The following CCDC60 variants were observed in gnomAD, a reference collection of about 807,000 sequenced individuals.
The protein encoded by CCDC60 is coiled-coil domain-containing protein 60.
Under a neutral mutation model 63.5 loss-of-function variants are expected in CCDC60, and 54 were observed. The observed-to-expected ratio is 0.85, with a 90% CI of 0.68 to 1.07. The LOEUF is 1.07. CCDC60 is among the 50% of genes least tolerant of loss of function. CCDC60 has a pLI of 0.00. For missense variants in CCDC60, 651 were observed against 684.3 expected, an observed-to-expected ratio of 0.95 and a Z score of 0.54; for synonymous variants, 206 against 238.8, an observed-to-expected ratio of 0.86 and a Z score of 1.27.
chr12:119,388,796 A>G (rs1307712478), intron 1 of CCDC60, among the ~76,000 whole-genome samples: 1 of 152,218 alleles, frequency 6.6e-6, no homozygotes, highest in African/African-American at 2.4e-5. Flanking sequence ...AAGAAAATCC[A>G]TTTCGTGGAA....
chr12:119,528,634 A>G lies in CCDC60; in HGVS notation c.1249A>G (p.Ile417Val). 6.2e-7 allele frequency: 1 copy of G among 1,613,892 alleles called. No homozygotes were observed. The highest frequency in any genetic ancestry group is 8.5e-7 in the Non-Finnish European group (1 of 1,179,884). ...ILMKRQEERG[I>V]QKFRAFVLVS... is the part of the protein sequence containing the mutation. Reference sequence around the variant, plus strand: ...TTGTAGGCGCCAAGAAGAGAGAGGTATCCAGAAGTTCCGTGCTTTTGTCCT... The same window carrying G: ...TTGTAGGCGCCAAGAAGAGAGAGGTGTCCAGAAGTTCCGTGCTTTTGTCCT... The change falls in exon 12 of 14, where the codon ATC becomes GTC. Residue 417 changes from isoleucine to valine, a missense_variant. Transcript: ENST00000327554.
At chr12:119,522,087 C>T (rs933143456) in intron 9 of CCDC60, among the ~76,000 whole-genome samples, 2 of 152,216 alleles carry the variant, frequency 1.3e-5, no homozygotes, top group Non-Finnish European at 2.9e-5. Flanking sequence ...CAAAGGGTTA[C>T]CCACACATCA....
chr12:119,526,439 C>T (rs565524452), intron 11 of CCDC60, among the ~76,000 whole-genome samples: 12 of 152,216 alleles, frequency 7.9e-5, no homozygotes, highest in African/African-American at 2.6e-4. Context: ...TAAGAGCTTC[C>T]GCCCAGCAAA....
chr12:119,521,985 C>T (rs980726207), intron 9 of CCDC60, among the ~76,000 whole-genome samples: 12 of 152,322 alleles, frequency 7.9e-5, no homozygotes, highest in South Asian at 6.2e-4. Context: ...CTGGGGAAAC[C>T]AGCAAAGGCA....
At chr12:119,413,398 C>T in intron 1 of CCDC60, among the ~76,000 whole-genome samples, 1 of 152,210 alleles carries the variant, frequency 6.6e-6, no homozygotes, top group East Asian at 1.9e-4. Flanking sequence ...GCTACTTTTG[C>T]TGACCATCGG....
intron 1 of CCDC60, among the ~76,000 whole-genome samples, chr12:119,398,169 G>A (rs1007140771): frequency 1.4e-5 from 2 of 141,746 alleles, no homozygotes; most frequent in Non-Finnish European, 3.1e-5. Flanking sequence ...GCGGGCTGCA[G>A]GTCCGAGCCC....
chr12:119,448,346 C>T (rs1950577051), intron 2 of CCDC60, among the ~76,000 whole-genome samples: 1 of 152,108 alleles, frequency 6.6e-6, no homozygotes, highest in Admixed American at 6.5e-5. Context: ...GACCGAAATC[C>T]AAATCCTGGC....
At chr12:119,433,934 G>C (rs1283348177) in intron 2 of CCDC60, among the ~76,000 whole-genome samples, 3 of 152,196 alleles carry the variant, frequency 2.0e-5, no homozygotes, top group Non-Finnish European at 4.4e-5. Context: ...GGGTCTCTTT[G>C]CATGTGCCCA....
chr12:119,394,316 CTT>C (rs1956212309), intron 1 of CCDC60, among the ~76,000 whole-genome samples: 1 of 152,202 alleles, frequency 6.6e-6, no homozygotes, highest in Admixed American at 6.5e-5. Context: ...ATTATTGTCT[CTT>C]GTCTCCCCAA....
intron 6 of CCDC60, among the ~76,000 whole-genome samples, chr12:119,500,726 C>A (rs1388639745): frequency 6.6e-6 from 1 of 152,094 alleles, no homozygotes; most frequent in Non-Finnish European, 1.5e-5. Flanking sequence ...TAGTGGTGTG[C>A]ACCTGTAGTC....
chr12:119,387,833 T>C (rs1167059385), intron 1 of CCDC60, among the ~76,000 whole-genome samples: 5 of 152,200 alleles, frequency 3.3e-5, no homozygotes, highest in East Asian at 1.9e-4. Flanking sequence ...CTGACGCACA[T>C]TTCAGGTTAC....
intron 1 of CCDC60, among the ~76,000 whole-genome samples, chr12:119,359,971 C>G (rs900510532): frequency 1.2e-4 from 18 of 152,126 alleles, no homozygotes; most frequent in African/African-American, 4.3e-4. Context: ...ATTTCTCAAT[C>G]TTTTCCCCAC....
At chr12:119,340,949 C>A (rs1041069138) in intron 1 of CCDC60, among the ~76,000 whole-genome samples, 1 of 152,152 alleles carries the variant, frequency 6.6e-6, no homozygotes, top group African/African-American at 2.4e-5. Context: ...GCTGGCTGTT[C>A]CATTTTTATA....
chr12:119,468,047 G>A (rs1950985663), intron 2 of CCDC60, among the ~76,000 whole-genome samples: 1 of 151,946 alleles, frequency 6.6e-6, no homozygotes, highest in African/African-American at 2.4e-5. Context: ...GGCCGAGGTG[G>A]GTGGGTCATA....
chr12:119,419,869 CTTTTTTT>C (rs1206831493), intron 1 of CCDC60, among the ~76,000 whole-genome samples: 5 of 106,496 alleles, frequency 4.7e-5, no homozygotes, highest in Non-Finnish European at 5.4e-5. Context: ...TTAAATAATT[CTTTTTTT>C]TTTTTTTTTT....
At chr12:119,501,867 C>T (rs1419454690) in intron 6 of CCDC60, among the ~76,000 whole-genome samples, 1 of 152,146 alleles carries the variant, frequency 6.6e-6, no homozygotes, top group Non-Finnish European at 1.5e-5. Context: ...TGGGGGAGCA[C>T]TCAATTAGGC....
intron 4 of CCDC60, among the ~76,000 whole-genome samples, chr12:119,480,900 C>T (rs1296133006): frequency 1.4e-5 from 2 of 146,888 alleles, no homozygotes; most frequent in Non-Finnish European, 3.0e-5. Context: ...CCATCATCAC[C>T]ACCATCCTCA....
chr12:119,451,436 C>T (rs1950633808), intron 2 of CCDC60, among the ~76,000 whole-genome samples: 1 of 142,206 alleles, frequency 7.0e-6, no homozygotes, highest in African/African-American at 2.5e-5. Flanking sequence ...CCTAGGTCTG[C>T]CTGTAATTTG....
At chr12:119,505,432 C>A in intron 7 of CCDC60, 129 bp downstream of exon 7, 1 of 637,230 alleles carries the variant, frequency 1.6e-6, no homozygotes, top group Non-Finnish European at 2.7e-6. Flanking sequence ...CATCCTTGTT[C>A]AATTTCCTTG....
Sources: gnomAD v4.1 joint callset for allele counts (sites outside exome capture counted in the v4.1 genomes callset) on GRCh38, gnomAD v4.1.1 for gene constraint, MANE v1.5 for transcripts, NCBI Gene and HGNC (gene_info 2026-07-23, HGNC 2026-07-21) for gene names.